The following SPAG16 variants were observed in gnomAD, a reference collection of about 807,000 sequenced individuals.
SPAG16 encodes the protein sperm associated antigen 16.
SPAG16 carries 86 observed loss-of-function variants against 80.4 expected under a neutral mutation model. The ratio of observed to expected loss-of-function variants is 1.07; its 90% CI spans 0.90 to 1.28. SPAG16 has a LOEUF of 1.28. Among genes scored for constraint, SPAG16 ranks in the 50% most tolerant of loss-of-function variants. SPAG16 has a pLI of 0.00. For synonymous variants in SPAG16, 294 were observed against 265.9 expected, an observed-to-expected ratio of 1.11 and a Z score of -1.03; for missense variants, 870 against 765.3, an observed-to-expected ratio of 1.14 and a Z score of -1.61.
intron 10 of SPAG16, among the ~76,000 whole-genome samples, chr2:213,558,043 T>C (rs937709291): frequency 1.3e-5 from 2 of 152,186 alleles, no homozygotes; most frequent in African/African-American, 4.8e-5. Flanking sequence ...AAAAACAGCA[T>C]TTCAGAGGAA....
At chr2:214,408,463 T>G (rs2126160009) in intron 15 of SPAG16, among the ~76,000 whole-genome samples, 1 of 152,332 alleles carries the variant, frequency 6.6e-6, no homozygotes, top group Non-Finnish European at 1.5e-5. Flanking sequence ...TAATCCATCC[T>G]AAGGATCTTT....
intron 9 of SPAG16, among the ~76,000 whole-genome samples, chr2:213,397,567 T>G (rs2068105768): frequency 6.6e-6 from 1 of 152,176 alleles, no homozygotes; most frequent in South Asian, 2.1e-4. Context: ...TCCATAATGC[T>G]TCATGATTGA....
At chr2:213,364,232 A>G (rs996133830) in intron 8 of SPAG16, 87 bp downstream of exon 8, 1 of 726,412 alleles carries the variant, frequency 1.4e-6, no homozygotes, top group Non-Finnish European at 2.0e-6. Flanking sequence ...AGAGATATTT[A>G]AAGGTGAGTA....
intron 10 of SPAG16, among the ~76,000 whole-genome samples, chr2:213,514,409 T>C (rs2075343210): frequency 6.6e-6 from 1 of 152,238 alleles, no homozygotes; most frequent in Non-Finnish European, 1.5e-5. Context: ...GTTTACATCA[T>C]TTAAAAATAT....
At chr2:214,291,709 C>T (rs1205972253) in intron 15 of SPAG16, among the ~76,000 whole-genome samples, 3 of 152,160 alleles carry the variant, frequency 2.0e-5, no homozygotes, top group African/African-American at 7.2e-5. Flanking sequence ...TTACTTCCTA[C>T]CACATTGTTG....
chr2:213,427,674 C>G (rs947274786), intron 9 of SPAG16, among the ~76,000 whole-genome samples: 9 of 152,104 alleles, frequency 5.9e-5, no homozygotes, highest in African/African-American at 1.9e-4. Flanking sequence ...TGATCTTTAT[C>G]TACATATTCT....
At chr2:213,919,988 A>G (rs1294211500) in intron 11 of SPAG16, among the ~76,000 whole-genome samples, 1 of 152,198 alleles carries the variant, frequency 6.6e-6, no homozygotes, top group African/African-American at 2.4e-5. Flanking sequence ...GAATGCATAT[A>G]TATTTAGAAT....
intron 10 of SPAG16, among the ~76,000 whole-genome samples, chr2:213,500,454 G>A (rs554274076): frequency 1.1e-4 from 16 of 152,282 alleles, no homozygotes; most frequent in Non-Finnish European, 2.1e-4. Context: ...TGTGAGAGGA[G>A]AAAAGTGGTC....
At chr2:213,846,582 TAAATA>T (rs2074639390) in intron 10 of SPAG16, among the ~76,000 whole-genome samples, 1 of 152,008 alleles carries the variant, frequency 6.6e-6, no homozygotes, top group African/African-American at 2.4e-5. Flanking sequence ...AATATAATTA[TAAATA>T]AAATAATAAT....
intron 15 of SPAG16, among the ~76,000 whole-genome samples, chr2:214,359,546 C>T (rs866388812): frequency 6.6e-6 from 1 of 151,902 alleles, no homozygotes; most frequent in Non-Finnish European, 1.5e-5. Flanking sequence ...TTCTCATAGG[C>T]ATGCCTATCC....
At chr2:214,270,532 G>A (rs554380300) in intron 15 of SPAG16, among the ~76,000 whole-genome samples, 1 of 152,152 alleles carries the variant, frequency 6.6e-6, no homozygotes, top group Admixed American at 6.5e-5. Flanking sequence ...TGGAACTCAC[G>A]AGCCTCTATG....
chr2:214,126,465 G>T (rs2054502445), intron 14 of SPAG16, among the ~76,000 whole-genome samples: 1 of 151,480 alleles, frequency 6.6e-6, no homozygotes, highest in African/African-American at 2.4e-5. Flanking sequence ...CTGGTTTATG[G>T]TCATCAACAT....
intron 10 of SPAG16, among the ~76,000 whole-genome samples, chr2:213,599,882 A>G (rs980096992): frequency 6.6e-6 from 1 of 151,994 alleles, no homozygotes; most frequent in Non-Finnish European, 1.5e-5. Context: ...TTGTATTTTT[A>G]GTAGAGACGG....
chr2:213,832,765 TAGAC>T (rs2073746114), intron 10 of SPAG16, among the ~76,000 whole-genome samples: 1 of 152,166 alleles, frequency 6.6e-6, no homozygotes, highest in Non-Finnish European at 1.5e-5. Context: ...AGCTTAAAGA[TAGAC>T]AGTTTTCTTT....
intron 10 of SPAG16, among the ~76,000 whole-genome samples, chr2:213,790,111 C>G (rs1406435559): frequency 1.3e-5 from 2 of 151,830 alleles, no homozygotes; most frequent in African/African-American, 2.4e-5. Context: ...TGTTCTTTCC[C>G]CAGTGGAGTA....
At position 214,032,308 on chromosome 2, in the gene SPAG16, C is replaced by G. The variant is rs541224208; in HGVS notation, c.1527+18231C>G. On this transcript the variant is annotated intron_variant, in intron 13 of 15. Transcript: ENST00000331683. Reference sequence around the variant, plus strand: ...GCTCCATCTACTTTGTTTTACCCCTCTTTGATCTTATTGGTCTCACTGTGA... The same window carrying G: ...GCTCCATCTACTTTGTTTTACCCCTGTTTGATCTTATTGGTCTCACTGTGA... Among the ~76,000 whole-genome samples, 106 of 152,312 alleles carry G rather than the reference C, an allele frequency of 7.0e-4. 2 individuals carry two copies. The Middle Eastern group carries it at 0.024, about 34-fold the overall frequency.
chr2:213,680,846 G>T (rs1182034748), intron 10 of SPAG16, among the ~76,000 whole-genome samples: 1 of 152,146 alleles, frequency 6.6e-6, no homozygotes, highest in Non-Finnish European at 1.5e-5. Context: ...AAATACATTG[G>T]TTTGGTTCAG....
chr2:213,328,271 C>G (rs1394947442), intron 5 of SPAG16, among the ~76,000 whole-genome samples: 1 of 151,926 alleles, frequency 6.6e-6, no homozygotes, highest in Non-Finnish European at 1.5e-5. Context: ...TTCTGTACAA[C>G]TTTTTTTTAA....
At chr2:213,532,603 G>T (rs1381934050) in intron 10 of SPAG16, among the ~76,000 whole-genome samples, 2 of 151,552 alleles carry the variant, frequency 1.3e-5, no homozygotes, top group Non-Finnish European at 2.9e-5. Flanking sequence ...CTGGGACTAC[G>T]GCTACACATC....
Sources: gnomAD v4.1 joint callset for allele counts (sites outside exome capture counted in the v4.1 genomes callset) on GRCh38, gnomAD v4.1.1 for gene constraint, MANE v1.5 for transcripts, NCBI Gene and HGNC (gene_info 2026-07-23, HGNC 2026-07-21) for gene names.